The following GLRB variants were observed in gnomAD, a reference collection of about 807,000 sequenced individuals.
GLRB encodes the protein glycine receptor beta.
GLRB carries 33 observed loss-of-function variants against 54.2 expected under a neutral mutation model. The observed-to-expected ratio is 0.61, with a 90% CI of 0.46 to 0.81. GLRB has a LOEUF of 0.81. GLRB is among the 40% of genes least tolerant of loss of function. The pLI, the probability that GLRB is intolerant of heterozygous loss-of-function variation, is 0.00. For missense variants in GLRB, 572 were observed against 584.6 expected (o/e 0.98, Z 0.22); for synonymous variants, 209 against 208.2 (o/e 1.00, Z -0.03).
intron 8 of GLRB, among the ~76,000 whole-genome samples, chr4:157,146,434 A>T (rs1333833377): frequency 6.6e-6 from 1 of 152,224 alleles, no homozygotes; most frequent in Non-Finnish European, 1.5e-5. Context: ...ACCTCGGGCA[A>T]GAGCAGAAGC....
intron 9 of GLRB, among the ~76,000 whole-genome samples, chr4:157,163,745 A>T (rs1737605284): frequency 6.6e-6 from 1 of 151,566 alleles, no homozygotes. Context: ...GAATGCAGGA[A>T]CTCACCATTT....
At chr4:157,110,109 C>A (rs1735364072) in intron 2 of GLRB, among the ~76,000 whole-genome samples, 1 of 151,912 alleles carries the variant, frequency 6.6e-6, no homozygotes, top group Non-Finnish European at 1.5e-5. Flanking sequence ...AGTCCCAACT[C>A]TTTAATCATG....
At chr4:157,144,895 TTTG>T in intron 8 of GLRB, among the ~76,000 whole-genome samples, 1 of 152,298 alleles carries the variant, frequency 6.6e-6, no homozygotes, top group Non-Finnish European at 1.5e-5. Flanking sequence ...GAAGAAGAAA[TTTG>T]TTTTTTTTAC....
chr4:157,103,287 A>C (rs1735105625), intron 2 of GLRB, among the ~76,000 whole-genome samples: 1 of 152,194 alleles, frequency 6.6e-6, no homozygotes, highest in Non-Finnish European at 1.5e-5. Context: ...AAGTTGCTGA[A>C]ATCAGTCTCT....
chr4:157,160,783 T>A (rs1486187132), intron 9 of GLRB, among the ~76,000 whole-genome samples: 2 of 152,172 alleles, frequency 1.3e-5, no homozygotes, highest in Non-Finnish European at 2.9e-5. Context: ...AAGTGTGATG[T>A]GGTGCTGAGA....
At chr4:157,149,098 C>T (rs970675241) in intron 8 of GLRB, among the ~76,000 whole-genome samples, 2 of 151,952 alleles carry the variant, frequency 1.3e-5, no homozygotes, top group Non-Finnish European at 2.9e-5. Flanking sequence ...ACTATTTTTC[C>T]CCTACATTCT....
chr4:157,138,504 G>T (rs1027494274), intron 6 of GLRB, among the ~76,000 whole-genome samples: 4 of 152,042 alleles, frequency 2.6e-5, no homozygotes, highest in African/African-American at 9.7e-5. Flanking sequence ...TTTTATTGAT[G>T]ACCATTAAAA....
chr4:157,100,394 T>G (rs1316603698), intron 2 of GLRB, among the ~76,000 whole-genome samples: 2 of 152,212 alleles, frequency 1.3e-5, no homozygotes, highest in South Asian at 4.1e-4. Context: ...TGCAGTTATG[T>G]CTTTATTGTA....
chr4:157,149,986 A>C (rs1185586038), intron 8 of GLRB, among the ~76,000 whole-genome samples: 3 of 152,014 alleles, frequency 2.0e-5, no homozygotes, highest in African/African-American at 4.8e-5. Context: ...TTGGATGGAC[A>C]AGAAATCTGT....
At chr4:157,168,845 T>A (rs935391171) in intron 9 of GLRB, among the ~76,000 whole-genome samples, 37 of 152,288 alleles carry the variant, frequency 2.4e-4, no homozygotes, top group African/African-American at 8.9e-4. Flanking sequence ...CAATATATGC[T>A]CATAATTAGA....
chr4:157,090,170 T>A (rs1390995898), intron 2 of GLRB, among the ~76,000 whole-genome samples: 2 of 152,208 alleles, frequency 1.3e-5, no homozygotes, highest in African/African-American at 4.8e-5. Flanking sequence ...ACCTAGAGCA[T>A]GTTTAGGGAC....
intron 2 of GLRB, among the ~76,000 whole-genome samples, chr4:157,083,597 A>T (rs1734303230): frequency 6.6e-6 from 1 of 152,148 alleles, no homozygotes; most frequent in African/African-American, 2.4e-5. Flanking sequence ...CAGTGGTTCT[A>T]ATACATTGTG....
chr4:157,092,071 A>ACT (rs10659561), intron 2 of GLRB, among the ~76,000 whole-genome samples: 64,085 of 151,978 alleles, frequency 0.42, 16,085 homozygotes, highest in African/African-American at 0.71. Context: ...GTTCTAGCTG[A>ACT]CTGTTACTGA....
In GLRB at chr4:157,136,593, C is replaced by G; in HGVS notation, c.422C>G (p.Pro141Arg). The G allele has an allele frequency of 6.2e-7, 1 of 1,612,432 alleles. No homozygotes were observed. The highest frequency in any genetic ancestry group is 8.5e-7 in the Non-Finnish European group (1 of 1,178,644). ...DPTMYKCLWK[P>R]DLFFANEKSA... ...ACAATGTACAAGTGTTTATGGAAAC[C>G]TGATTTATTTTTTGCAAATGAAAAA... Residue 141 changes from proline (P) to arginine (R), a missense_variant, in exon 5 of 10, where the codon CCT becomes CGT. Coordinates refer to ENST00000264428, the MANE Select transcript of GLRB (RefSeq NM_000824.5).
At chr4:157,112,707 T>A (rs1374760220) in intron 2 of GLRB, among the ~76,000 whole-genome samples, 3 of 151,902 alleles carry the variant, frequency 2.0e-5, no homozygotes, top group Non-Finnish European at 4.4e-5. Context: ...GTTGTCTTAA[T>A]TAGTAGAAAG....
At chr4:157,110,269 C>A (rs182016395) in intron 2 of GLRB, among the ~76,000 whole-genome samples, 1 of 151,978 alleles carries the variant, frequency 6.6e-6, no homozygotes, top group Admixed American at 6.6e-5. Flanking sequence ...GAATGAAGAT[C>A]AAATATATAT....
Position 157,078,010 on chromosome 4 carries a change from A to G in GLRB, c.-15A>G. 6.2e-7 allele frequency: 1 copy of G among 1,603,842 alleles called. No homozygotes were observed. ...CTCTCTTGTAGATCGATCTTCTGAA[A>G]TTCAAGTTTTCAAGATGAAGTTTTT... is the stretch of plus-strand genomic sequence containing the variant. On this transcript the variant is annotated 5_prime_UTR_variant, in exon 2 of 10. Transcript: ENST00000264428.
At chr4:157,168,208 A>T (rs1313245629) in intron 9 of GLRB, among the ~76,000 whole-genome samples, 2 of 151,896 alleles carry the variant, frequency 1.3e-5, no homozygotes, top group Non-Finnish European at 2.9e-5. Context: ...ATGCAGATGT[A>T]GGCACTGCTC....
At chr4:157,108,787 A>G (rs897818330) in intron 2 of GLRB, among the ~76,000 whole-genome samples, 1 of 152,058 alleles carries the variant, frequency 6.6e-6, no homozygotes, top group Admixed American at 6.6e-5. Context: ...ATAAAAGGCT[A>G]TCAAACAGCA....
Sources: gnomAD v4.1 joint callset for allele counts (sites outside exome capture counted in the v4.1 genomes callset) on GRCh38, gnomAD v4.1.1 for gene constraint, MANE v1.5 for transcripts, NCBI Gene and HGNC (gene_info 2026-07-23, HGNC 2026-07-21) for gene names.